GPC6: variants seen among roughly 807,000 people sequenced by gnomAD.
GPC6 encodes glypican-6.
Under a neutral mutation model 55.2 loss-of-function variants are expected in GPC6, and 14 were observed. The ratio of observed to expected loss-of-function variants is 0.25; its 90% CI spans 0.17 to 0.40. The LOEUF is 0.40. GPC6 is among the 10% of genes least tolerant of loss of function. GPC6 has a pLI of 1.00. For missense variants in GPC6, 641 were observed against 708.5 expected, an observed-to-expected ratio of 0.90 and a Z score of 1.08; for synonymous variants, 278 against 259.6, an observed-to-expected ratio of 1.07 and a Z score of -0.68.
chr13:93,732,532 C>T (rs1486778470), intron 2 of GPC6, among the ~76,000 whole-genome samples: 1 of 152,110 alleles, frequency 6.6e-6, no homozygotes. Context: ...CATTAGGTTT[C>T]CAGTGTTGGA....
intron 6 of GPC6, among the ~76,000 whole-genome samples, chr13:94,317,705 A>G (rs1876610427): frequency 6.6e-6 from 1 of 152,230 alleles, no homozygotes; most frequent in South Asian, 2.1e-4. Context: ...AGCTTTTTAC[A>G]GTATAATCAT....
At chr13:93,670,888 G>T (rs1881330611) in intron 2 of GPC6, among the ~76,000 whole-genome samples, 1 of 152,090 alleles carries the variant, frequency 6.6e-6, no homozygotes, top group Non-Finnish European at 1.5e-5. Context: ...TTAGTATCAC[G>T]GGATGCTAAC....
At chr13:94,162,164 A>T (rs1217582784) in intron 4 of GPC6, among the ~76,000 whole-genome samples, 1 of 152,102 alleles carries the variant, frequency 6.6e-6, no homozygotes, top group African/African-American at 2.4e-5. Flanking sequence ...GCCTCTCAAA[A>T]CTGAGGAGTC....
At chr13:93,327,170 G>A (rs749070724) in intron 1 of GPC6, among the ~76,000 whole-genome samples, 3 of 152,170 alleles carry the variant, frequency 2.0e-5, no homozygotes, top group Non-Finnish European at 2.9e-5. Context: ...GTAACTAGGC[G>A]TTTGACTTAC....
intron 1 of GPC6, among the ~76,000 whole-genome samples, chr13:93,306,996 G>T (rs910212845): frequency 1.3e-5 from 2 of 152,154 alleles, no homozygotes; most frequent in Non-Finnish European, 2.9e-5. Flanking sequence ...TAGAAGATCA[G>T]TGGTGCTTAG....
At chr13:93,555,753 T>A (rs1181733680) in intron 2 of GPC6, among the ~76,000 whole-genome samples, 1 of 152,190 alleles carries the variant, frequency 6.6e-6, no homozygotes, top group Non-Finnish European at 1.5e-5. Context: ...ATGTTTAAGA[T>A]GTCCATGAAT....
At chr13:93,457,200 T>C (rs576093561) in intron 1 of GPC6, among the ~76,000 whole-genome samples, 7 of 152,352 alleles carry the variant, frequency 4.6e-5, no homozygotes, top group South Asian at 2.1e-4. Flanking sequence ...AATGGACTAA[T>C]ACACTTCATA....
chr13:94,159,300 G>A (rs866560077), intron 4 of GPC6, among the ~76,000 whole-genome samples: 45 of 152,066 alleles, frequency 3.0e-4, no homozygotes, highest in African/African-American at 1.0e-3. Flanking sequence ...ATATTCATCC[G>A]TTTTCACACC....
At chr13:93,950,000 A>G (rs1044486617) in intron 3 of GPC6, among the ~76,000 whole-genome samples, 40 of 152,292 alleles carry the variant, frequency 2.6e-4, no homozygotes, top group African/African-American at 9.4e-4. Flanking sequence ...AGTGGACTAC[A>G]GACATGAGCC....
At chr13:94,009,784 G>C (rs1004640924) in intron 3 of GPC6, among the ~76,000 whole-genome samples, 5 of 152,138 alleles carry the variant, frequency 3.3e-5, no homozygotes, top group African/African-American at 4.8e-5. Flanking sequence ...AGGCTCTCCT[G>C]AGAGTTATGT....
intron 4 of GPC6, among the ~76,000 whole-genome samples, chr13:94,276,183 G>A (rs1216908664): frequency 6.6e-6 from 1 of 152,206 alleles, no homozygotes; most frequent in East Asian, 1.9e-4. Context: ...GTTGAGTAGT[G>A]AGAAATGAAT....
chr13:93,642,613 GCT>G (rs1232111000), intron 2 of GPC6, among the ~76,000 whole-genome samples: 2 of 151,950 alleles, frequency 1.3e-5, no homozygotes, highest in Non-Finnish European at 2.9e-5. Flanking sequence ...TGTGATTAGA[GCT>G]TGCTAAGAAA....
chr13:94,152,306 AT>A (rs1887769467), intron 4 of GPC6, among the ~76,000 whole-genome samples: 1 of 152,142 alleles, frequency 6.6e-6, no homozygotes, highest in African/African-American at 2.4e-5. Context: ...AGTGGATTGG[AT>A]TTGGAGACAT....
intron 4 of GPC6, among the ~76,000 whole-genome samples, chr13:94,188,948 G>C (rs1390534263): frequency 1.3e-5 from 2 of 152,114 alleles, no homozygotes; most frequent in African/African-American, 2.4e-5. Context: ...TTCTCTTCTA[G>C]TGCTGTGGAG....
rs182279044 is a variant in GPC6, at chr13:93,251,572, G to A, written c.160+23956G>A. ...CAGATACTACTATATAGAAGCAAAA[G>A]GACTTAATTCCTTGTCTCATGCTTG... On this transcript the variant is annotated intron_variant, in intron 1 of 8. Transcript: ENST00000377047. 1.2e-4 allele frequency among the ~76,000 whole-genome samples: 18 copies of A among 152,274 alleles called. No homozygotes were observed. The East Asian group carries it at 3.5e-3, about 29-fold the overall frequency.
intron 2 of GPC6, among the ~76,000 whole-genome samples, chr13:93,787,442 T>G (rs1336508458): frequency 6.6e-6 from 1 of 152,238 alleles, no homozygotes; most frequent in Non-Finnish European, 1.5e-5. Flanking sequence ...TGGGCCAGAT[T>G]TGGCCTTCAG....
intron 1 of GPC6, among the ~76,000 whole-genome samples, chr13:93,363,892 T>C (rs1881142165): frequency 6.6e-6 from 1 of 152,146 alleles, no homozygotes; most frequent in Non-Finnish European, 1.5e-5. Context: ...CCAGTGATGC[T>C]GAGCATTTTT....
At chr13:93,528,258 T>G (rs1456633445) in intron 1 of GPC6, among the ~76,000 whole-genome samples, 1 of 152,188 alleles carries the variant, frequency 6.6e-6, no homozygotes, top group Non-Finnish European at 1.5e-5. Context: ...TTATTGTATA[T>G]CACCCCAGAC....
chr13:94,222,786 C>T (rs1055878120), intron 4 of GPC6, among the ~76,000 whole-genome samples: 1 of 152,102 alleles, frequency 6.6e-6, no homozygotes, highest in Non-Finnish European at 1.5e-5. Flanking sequence ...AATTCTCTGG[C>T]TGAAGGTCCA....
Sources: gnomAD v4.1 joint callset for allele counts (sites outside exome capture counted in the v4.1 genomes callset) on GRCh38, gnomAD v4.1.1 for gene constraint, MANE v1.5 for transcripts, NCBI Gene and HGNC (gene_info 2026-07-23, HGNC 2026-07-21) for gene names.